Variants in SIMC1 observed in about 807,000 individuals in gnomAD.
The protein encoded by SIMC1 is SUMO interacting motifs containing 1.
Under a neutral mutation model 82.3 loss-of-function variants are expected in SIMC1, and 55 were observed. That is an observed-to-expected ratio of 0.67 (90% CI 0.54 to 0.84). SIMC1 has a LOEUF of 0.84. Ranked by LOEUF, SIMC1 falls within the 40% of genes least tolerant of loss-of-function variation. The pLI, the probability that SIMC1 is intolerant of heterozygous loss-of-function variation, is 0.00. For synonymous variants in SIMC1, 353 were observed against 426.3 expected (o/e 0.83, Z 2.12); for missense variants, 915 against 1,107.2 (o/e 0.83, Z 2.46).
chr5:176,309,500 C>A (rs765861456), intron 4 of SIMC1, among the ~76,000 whole-genome samples: 3 of 152,072 alleles, frequency 2.0e-5, no homozygotes, highest in Non-Finnish European at 4.4e-5. Context: ...AAAAGCATAT[C>A]CGTAAAAGAT....
rs1344068794 is a variant in SIMC1 at position 176,329,768 on chromosome 5, CAAAT to C, written c.2171+5017_2171+5020del. Among the ~76,000 whole-genome samples the C allele has an allele frequency of 3.3e-5, 5 of 152,076 alleles. No individual in the cohort carries two copies. The East Asian group carries it at 5.8e-4, about 18-fold the overall frequency. ...ATTTTATGTGTATTCTAGGATTAAA[CAAAT>C]AAATATATTGTGAATACTGAGTGCC... On this transcript the variant is annotated intron_variant, in intron 7 of 9. Transcript: ENST00000429602.
At chr5:176,287,364 T>C (rs1441424771) in intron 1 of SIMC1, among the ~76,000 whole-genome samples, 1 of 152,108 alleles carries the variant, frequency 6.6e-6, no homozygotes, top group East Asian at 1.9e-4. Context: ...TCATTCTCAG[T>C]AAACTATCGC....
At chr5:176,341,748 T>A (rs12108763) in intron 9 of SIMC1, among the ~76,000 whole-genome samples, 2 of 148,960 alleles carry the variant, frequency 1.3e-5, no homozygotes, top group South Asian at 4.3e-4. Context: ...GAGATTCCTA[T>A]AGTGATGATG....
chr5:176,282,048 G>A (rs1763033509), intron 1 of SIMC1, among the ~76,000 whole-genome samples: 1 of 152,270 alleles, frequency 6.6e-6, no homozygotes, highest in Non-Finnish European at 1.5e-5. Flanking sequence ...AGCCTACAGA[G>A]GCAGGCAGGC....
intron 4 of SIMC1, among the ~76,000 whole-genome samples, chr5:176,306,631 T>C (rs1245944640): frequency 6.6e-6 from 1 of 151,684 alleles, no homozygotes; most frequent in Admixed American, 6.6e-5. Flanking sequence ...CTGTGCTCTC[T>C]GAAACATGTG....
At chr5:176,295,463 T>C (rs1045660251) in intron 3 of SIMC1, among the ~76,000 whole-genome samples, 20 of 152,258 alleles carry the variant, frequency 1.3e-4, no homozygotes, top group African/African-American at 4.8e-4. Context: ...TGGCTCGTGT[T>C]ACTAGAAACC....
intron 1 of SIMC1, among the ~76,000 whole-genome samples, chr5:176,289,240 T>C (rs184334395): frequency 2.6e-5 from 4 of 152,350 alleles, no homozygotes; most frequent in East Asian, 1.9e-4. Flanking sequence ...ATTAAAGATA[T>C]GTGAAAATAC....
intron 5 of SIMC1, among the ~76,000 whole-genome samples, chr5:176,321,308 A>G (rs1438792440): frequency 1.3e-5 from 2 of 152,040 alleles, no homozygotes; most frequent in Non-Finnish European, 2.9e-5. Flanking sequence ...ATTGATAGTC[A>G]TATTCATACT....
At chr5:176,248,529 A>G (rs1475409963) in intron 1 of SIMC1, among the ~76,000 whole-genome samples, 1 of 152,132 alleles carries the variant, frequency 6.6e-6, no homozygotes. Context: ...GTGTTTCTAA[A>G]TATACAATCA....
intron 1 of SIMC1, among the ~76,000 whole-genome samples, chr5:176,289,308 T>TTATCC (rs1421060047): frequency 1.3e-5 from 2 of 152,226 alleles, no homozygotes; most frequent in African/African-American, 4.8e-5. Context: ...TATTTAGTTT[T>TTATCC]TGTTGTAGGT....
chr5:176,264,364 C>T (rs1272227993), intron 1 of SIMC1, among the ~76,000 whole-genome samples: 2 of 152,404 alleles, frequency 1.3e-5, no homozygotes, highest in East Asian at 3.9e-4. Flanking sequence ...AGGCTTCTGC[C>T]TGGGCATGCA....
intron 1 of SIMC1, among the ~76,000 whole-genome samples, chr5:176,252,159 C>T (rs1464392321): frequency 6.6e-5 from 10 of 150,610 alleles, no homozygotes; most frequent in East Asian, 2.0e-4. Context: ...TAGGGACGGC[C>T]GGGCAGAGGC....
intron 9 of SIMC1, among the ~76,000 whole-genome samples, 174 bp from the exon 10 acceptor site, chr5:176,345,006 TGAG>T (rs1766371596): frequency 6.6e-6 from 1 of 152,050 alleles, no homozygotes; most frequent in Admixed American, 6.6e-5. Flanking sequence ...CCGAGAGAAC[TGAG>T]AACAAAGGGC....
chr5:176,309,106 A>G (rs1474770399), intron 4 of SIMC1: 10 of 667,002 alleles, frequency 1.5e-5, no homozygotes, highest in Non-Finnish European at 2.7e-5. Context: ...GAGGACTCAC[A>G]TTACCTGACT....
At chr5:176,284,095 T>C (rs1223509981) in intron 1 of SIMC1, among the ~76,000 whole-genome samples, 1 of 152,120 alleles carries the variant, frequency 6.6e-6, no homozygotes, top group African/African-American at 2.4e-5. Context: ...AACACCCCAC[T>C]GTCACCATTA....
chr5:176,288,973 G>A (rs1464781328), intron 1 of SIMC1, among the ~76,000 whole-genome samples: 1 of 151,962 alleles, frequency 6.6e-6, no homozygotes, highest in Non-Finnish European at 1.5e-5. Context: ...ACTTACTTAG[G>A]GCTCAGACTT....
intron 2 of SIMC1, among the ~76,000 whole-genome samples, chr5:176,291,494 G>A (rs1358649457): frequency 4.6e-5 from 7 of 151,952 alleles, no homozygotes; most frequent in African/African-American, 1.7e-4. Flanking sequence ...CCGCTACCAC[G>A]CCCAGCTGAT....
At chr5:176,246,720 A>G (rs1402621658) in intron 1 of SIMC1, among the ~76,000 whole-genome samples, 1 of 151,904 alleles carries the variant, frequency 6.6e-6, no homozygotes, top group African/African-American at 2.4e-5. Context: ...TCAACCCATC[A>G]TCTACCTTAG....
At chr5:176,330,401 A>AC (rs1491319397) in intron 7 of SIMC1, among the ~76,000 whole-genome samples, 2 of 97,932 alleles carry the variant, frequency 2.0e-5, no homozygotes, top group Non-Finnish European at 2.3e-5. Flanking sequence ...TCTCCATCTC[A>AC]AAAAAAAAAA....
Sources: allele counts gnomAD v4.1 joint callset (sites outside exome capture counted in the v4.1 genomes callset), GRCh38; gene constraint gnomAD v4.1.1; transcripts MANE v1.5; gene names NCBI Gene and HGNC (gene_info 2026-07-23, HGNC 2026-07-21).